The following ERC2 variants were observed in gnomAD, a reference collection of about 807,000 sequenced individuals.
ERC2 encodes ERC protein 2.
ERC2 carries 42 observed loss-of-function variants against 114.8 expected under a neutral mutation model. That is an observed-to-expected ratio of 0.37 (90% confidence interval 0.29 to 0.47). ERC2 has a LOEUF of 0.47. ERC2 is among the 20% of genes least tolerant of loss of function. ERC2 has a pLI of 0.99. For synonymous variants in ERC2, 454 were observed against 425.5 expected (o/e 1.07, Z -0.82); for missense variants, 939 against 1,150.7 (o/e 0.82, Z 2.66).
At chr3:55,858,450 T>G (rs2061882902) in intron 14 of ERC2, among the ~76,000 whole-genome samples, 1 of 152,168 alleles carries the variant, frequency 6.6e-6, no homozygotes, top group Admixed American at 6.5e-5. Flanking sequence ...CACGAGGCAA[T>G]GTGTGATCTA....
intron 12 of ERC2, among the ~76,000 whole-genome samples, chr3:55,985,204 AG>A (rs1408025936): frequency 6.6e-6 from 1 of 152,222 alleles, no homozygotes; most frequent in Non-Finnish European, 1.5e-5. Context: ...CCTTGACTTA[AG>A]GAAGAAGAAA....
chr3:55,733,536 TCTCTCTCACA>T lies in ERC2; in HGVS notation c.2712+1225_2712+1234del, dbSNP rs1191014207. ...TTCTCTCTGTCTCTCATTCTTTCTCTCTCTCTCACACACACACACACACACACACACACAC... is the reference window on the plus strand; with the variant it reads ...TTCTCTCTGTCTCTCATTCTTTCTCTCACACACACACACACACACACACAC... On this transcript the variant is annotated intron_variant, in intron 15 of 17. Coordinates refer to ENST00000288221, the MANE Select transcript of ERC2 (RefSeq NM_015576.3). 8.8e-3 allele frequency among the ~76,000 whole-genome samples: 602 copies of T among 68,598 alleles called. 3 individuals are homozygous for T. The highest frequency in any genetic ancestry group is 0.021 in the Admixed American group (136 of 6,620). The allele number at this position is 68,598 out of a possible 152,430, so 45.0% of individuals were successfully genotyped here.
At chr3:56,372,737 G>T (rs569304849) in intron 2 of ERC2, among the ~76,000 whole-genome samples, 1 of 151,974 alleles carries the variant, frequency 6.6e-6, no homozygotes, top group African/African-American at 2.4e-5. Context: ...TGAAAAAAAA[G>T]AAAGAAAAGA....
intron 13 of ERC2, among the ~76,000 whole-genome samples, chr3:55,905,166 T>C (rs772292551): frequency 1.2e-4 from 18 of 152,170 alleles, no homozygotes; most frequent in Non-Finnish European, 2.5e-4. Context: ...CTGCAACCTC[T>C]GCCTCCCGGG....
chr3:55,897,746 A>G (rs1036535091), intron 13 of ERC2, among the ~76,000 whole-genome samples: 8 of 152,136 alleles, frequency 5.3e-5, no homozygotes, highest in Admixed American at 3.3e-4. Context: ...TATTTTTCCA[A>G]TTACCCTTAT....
intron 14 of ERC2, among the ~76,000 whole-genome samples, chr3:55,822,860 G>A (rs968752011): frequency 1.2e-4 from 18 of 152,042 alleles, no homozygotes; most frequent in Non-Finnish European, 2.1e-4. Flanking sequence ...TGATCCACCC[G>A]CCTCGGCCTC....
At chr3:55,750,912 C>T (rs553611211) in intron 14 of ERC2, among the ~76,000 whole-genome samples, 147 of 152,140 alleles carry the variant, frequency 9.7e-4, no homozygotes, top group African/African-American at 3.0e-3. Flanking sequence ...TCAGTAATGT[C>T]CTTTCTAATG....
At chr3:56,038,546 C>G (rs916334373) in intron 7 of ERC2, among the ~76,000 whole-genome samples, 1 of 152,134 alleles carries the variant, frequency 6.6e-6, no homozygotes, top group African/African-American at 2.4e-5. Context: ...AGACCTAGAA[C>G]CAGAAATACC....
Position 55,613,982 on chromosome 3 carries a change from C to CA in ERC2, c.*39+69811dup, listed in dbSNP as rs60242810. ...TGGGAGACAGAGTGAGACTTCCTCT[C>CA]AAAAAAAAAAAAAAAAAAAAAAAAA... On this transcript the variant is annotated intron_variant, in intron 17 of 17. Transcript: ENST00000288221. Among the ~76,000 whole-genome samples the CA allele has an allele frequency of 5.5e-3, 345 of 62,276 alleles. 11 individuals are homozygous for CA. Among genetic ancestry groups the CA allele is most frequent in the African/African-American group, 0.012 (178 of 14,524 alleles). The allele number at this position is 62,276 out of a possible 152,430, so 40.9% of individuals were successfully genotyped here. A position where few individuals can be genotyped will look rare whatever the true frequency, so the allele number is the denominator to read the frequency against.
intron 14 of ERC2, among the ~76,000 whole-genome samples, chr3:55,828,864 T>TA (rs2060448300): frequency 6.6e-6 from 1 of 152,092 alleles, no homozygotes; most frequent in Non-Finnish European, 1.5e-5. Context: ...TCAGGCCTGG[T>TA]GAGGTGGCTC....
chr3:55,635,786 A>C (rs533883101), intron 17 of ERC2, among the ~76,000 whole-genome samples: 4 of 152,336 alleles, frequency 2.6e-5, no homozygotes, highest in Non-Finnish European at 4.4e-5. Context: ...GGCTCTCCCA[A>C]ATAAGTGGCA....
chr3:55,830,981 A>T (rs943257491), intron 14 of ERC2, among the ~76,000 whole-genome samples: 1 of 151,830 alleles, frequency 6.6e-6, no homozygotes, highest in African/African-American at 2.4e-5. Context: ...TATAGTCAAA[A>T]GTCAATAGAT....
At chr3:55,527,333 CT>C (rs1030111707) in intron 17 of ERC2, among the ~76,000 whole-genome samples, 3 of 152,142 alleles carry the variant, frequency 2.0e-5, no homozygotes, top group African/African-American at 7.2e-5. Flanking sequence ...GCCTCACAGT[CT>C]TAAGGGCTCA....
At chr3:56,076,079 C>G (rs1016697163) in intron 7 of ERC2, among the ~76,000 whole-genome samples, 1 of 152,152 alleles carries the variant, frequency 6.6e-6, no homozygotes, top group Non-Finnish European at 1.5e-5. Context: ...GGAGCCAACT[C>G]CATTCACCCC....
At chr3:56,141,275 T>G (rs1007700150) in intron 5 of ERC2, among the ~76,000 whole-genome samples, 1 of 152,198 alleles carries the variant, frequency 6.6e-6, no homozygotes, top group Non-Finnish European at 1.5e-5. Context: ...TTATTTACCC[T>G]CTTCTTGAAC....
intron 17 of ERC2, among the ~76,000 whole-genome samples, chr3:55,626,018 G>A (rs946156708): frequency 5.3e-5 from 8 of 152,172 alleles, no homozygotes; most frequent in Non-Finnish European, 1.0e-4. Flanking sequence ...CTGAATGTAC[G>A]TCTGTTTTGG....
At chr3:55,688,236 T>A (rs17055750) in intron 16 of ERC2, among the ~76,000 whole-genome samples, 1 of 152,180 alleles carries the variant, frequency 6.6e-6, no homozygotes, top group African/African-American at 2.4e-5. Context: ...AGAGCCAGTA[T>A]GTATTTGCAC....
chr3:55,708,901 GGAAGAGAAGA>G (rs911415659), intron 15 of ERC2, among the ~76,000 whole-genome samples: 25 of 151,182 alleles, frequency 1.7e-4, no homozygotes, highest in African/African-American at 6.1e-4. Context: ...GAGAAGAGAG[GGAAGAGAAGA>G]CAAGAGAAGA....
intron 7 of ERC2, among the ~76,000 whole-genome samples, chr3:56,024,565 C>T (rs2073929389): frequency 1.3e-5 from 2 of 152,210 alleles, no homozygotes; most frequent in South Asian, 4.1e-4. Flanking sequence ...GGGGCAGGTA[C>T]ATCTAATGAG....
Sources: gnomAD v4.1 joint callset for allele counts (sites outside exome capture counted in the v4.1 genomes callset) on GRCh38, gnomAD v4.1.1 for gene constraint, MANE v1.5 for transcripts, NCBI Gene and HGNC (gene_info 2026-07-23, HGNC 2026-07-21) for gene names.